ERC2: variants seen among roughly 807,000 people sequenced by gnomAD.
ERC2 encodes the protein ERC protein 2.
In ERC2, 42 loss-of-function variants were observed where a neutral mutation model predicts 114.8. That is an observed-to-expected ratio of 0.37 (90% CI 0.29 to 0.47). ERC2 has a LOEUF of 0.47. Ranked by LOEUF, ERC2 falls within the 20% of genes least tolerant of loss-of-function variation. ERC2 has a pLI of 0.99. For synonymous variants in ERC2, 454 were observed against 425.5 expected, an observed-to-expected ratio of 1.07 and a Z score of -0.82; for missense variants, 939 against 1,150.7, an observed-to-expected ratio of 0.82 and a Z score of 2.66.
chr3:56,341,108 G>C (rs1022733787), intron 2 of ERC2, among the ~76,000 whole-genome samples: 1 of 152,082 alleles, frequency 6.6e-6, no homozygotes, highest in African/African-American at 2.4e-5. Context: ...AGAACTGACT[G>C]TTATTTAAAA....
intron 3 of ERC2, among the ~76,000 whole-genome samples, chr3:56,189,014 C>A (rs1263412408): frequency 6.6e-6 from 1 of 152,176 alleles, no homozygotes; most frequent in Non-Finnish European, 1.5e-5. Flanking sequence ...TTAACCCACA[C>A]CCCAAACTTA....
chr3:56,023,726 G>T lies in ERC2; in HGVS notation c.1642-4695C>A, dbSNP rs2073866620. On this transcript the variant is annotated intron_variant, in intron 7 of 17. Coordinates refer to ENST00000288221, the MANE Select transcript of ERC2 (RefSeq NM_015576.3). ...GTATCTCCAGCTGCAGCACCCAATT[G>T]TTGGCAACACCCCACATATTAGCTT... is the stretch of plus-strand genomic sequence containing the variant. Among the ~76,000 whole-genome samples, 12 of 139,050 alleles carry T rather than the reference G, an allele frequency of 8.6e-5. No homozygotes were observed. In the South Asian group the frequency reaches 2.3e-3, roughly 27 times the overall value. The allele number at this position is 139,050 out of a possible 152,430, so 91.2% of individuals were successfully genotyped here. A position where few individuals can be genotyped will look rare whatever the true frequency, so the allele number is the denominator to read the frequency against.
chr3:55,914,165 G>C (rs1266053240), intron 13 of ERC2, among the ~76,000 whole-genome samples: 1 of 152,058 alleles, frequency 6.6e-6, no homozygotes, highest in Non-Finnish European at 1.5e-5. Context: ...TGTTAACTCT[G>C]ATGCAAAGAT....
chr3:55,751,047 T>C (rs1449106866), intron 14 of ERC2, among the ~76,000 whole-genome samples: 1 of 152,240 alleles, frequency 6.6e-6, no homozygotes, highest in Admixed American at 6.5e-5. Context: ...TTTCCTATGA[T>C]TGGTCCATGA....
At chr3:56,130,561 GAAC>G (rs1453677407) in intron 6 of ERC2, among the ~76,000 whole-genome samples, 3 of 152,160 alleles carry the variant, frequency 2.0e-5, no homozygotes, top group Non-Finnish European at 4.4e-5. Flanking sequence ...CTGAAAGCCT[GAAC>G]AACAATAACA....
At chr3:56,106,489 C>A (rs1453168122) in intron 6 of ERC2, among the ~76,000 whole-genome samples, 1 of 152,064 alleles carries the variant, frequency 6.6e-6, no homozygotes, top group Admixed American at 6.5e-5. Flanking sequence ...GGGGGAGGGG[C>A]CTTTAACTTG....
At chr3:56,420,744 A>T (rs926388534) in intron 2 of ERC2, among the ~76,000 whole-genome samples, 48 of 151,186 alleles carry the variant, frequency 3.2e-4, no homozygotes, top group Middle Eastern at 3.4e-3. Flanking sequence ...AAAAAAAAAA[A>T]TTATCTGGGT....
intron 2 of ERC2, among the ~76,000 whole-genome samples, chr3:56,418,030 T>C (rs1354026677): frequency 6.6e-6 from 1 of 152,136 alleles, no homozygotes; most frequent in Non-Finnish European, 1.5e-5. Flanking sequence ...CTCATGTCTG[T>C]AATCCCAGTC....
At chr3:55,677,476 C>A (rs73071609) in intron 17 of ERC2, among the ~76,000 whole-genome samples, 19,647 of 152,030 alleles carry the variant, frequency 0.13, 1,546 homozygotes, top group East Asian at 0.32. Context: ...CTTTCCTGAG[C>A]CCAGAAGTAA....
chr3:55,974,578 G>T (rs186107321), intron 12 of ERC2, among the ~76,000 whole-genome samples: 14 of 152,190 alleles, frequency 9.2e-5, no homozygotes, highest in Admixed American at 7.9e-4. Context: ...CTTTTCTCTT[G>T]GCTGCTTCCC....
intron 13 of ERC2, among the ~76,000 whole-genome samples, chr3:55,938,740 G>T (rs965538005): frequency 2.6e-5 from 4 of 152,060 alleles, no homozygotes; most frequent in African/African-American, 9.7e-5. Context: ...AATGACACAG[G>T]GACGCTCTGT....
intron 14 of ERC2, among the ~76,000 whole-genome samples, chr3:55,828,485 G>GGCAGCAGGC (rs1559721987): frequency 6.6e-6 from 1 of 152,060 alleles, no homozygotes; most frequent in African/African-American, 2.4e-5. Context: ...GGGCAGCAGG[G>GGCAGCAGGC]GCAGCAGGGG....
intron 15 of ERC2, among the ~76,000 whole-genome samples, chr3:55,728,755 C>T (rs1453374244): frequency 6.6e-6 from 1 of 152,214 alleles, no homozygotes; most frequent in Admixed American, 6.5e-5. Flanking sequence ...AATGGCTACT[C>T]TTGTCTACCT....
rs772339784 is a variant in ERC2, at chr3:55,515,109, G to A, written c.*40-3833C>T. Among the ~76,000 whole-genome samples the A allele has an allele frequency of 3.9e-5, 6 of 152,288 alleles. No individual in the cohort carries two copies. In the South Asian group the frequency reaches 1.2e-3, roughly 32 times the overall value. Reference sequence around the variant, plus strand: ...TTGCACCATGAAGAAAAGGAACGGGGAACTGTGATAGGGATGCCTAAGATT... The same window carrying A: ...TTGCACCATGAAGAAAAGGAACGGGAAACTGTGATAGGGATGCCTAAGATT... On this transcript the variant is annotated intron_variant, in intron 17 of 17. Coordinates refer to ENST00000288221, the MANE Select transcript of ERC2 (RefSeq NM_015576.3).
intron 17 of ERC2, among the ~76,000 whole-genome samples, chr3:55,517,390 T>A (rs1355600686): frequency 7.5e-6 from 1 of 133,588 alleles, no homozygotes; most frequent in Non-Finnish European, 1.5e-5. Context: ...GAGGTTGCAG[T>A]GAGCCAAGAT....
chr3:55,780,101 C>T (rs1039958345), intron 14 of ERC2, among the ~76,000 whole-genome samples: 1 of 152,128 alleles, frequency 6.6e-6, no homozygotes, highest in Admixed American at 6.5e-5. Context: ...CTACAGGCAA[C>T]ATTCCCATGA....
At chr3:55,542,241 G>A (rs1303817336) in intron 17 of ERC2, among the ~76,000 whole-genome samples, 3 of 152,114 alleles carry the variant, frequency 2.0e-5, no homozygotes, top group African/African-American at 4.8e-5. Context: ...CTTGTGCCAC[G>A]TTAATCCCCC....
intron 17 of ERC2, among the ~76,000 whole-genome samples, chr3:55,600,719 T>C (rs2058360736): frequency 6.6e-6 from 1 of 152,242 alleles, no homozygotes; most frequent in Non-Finnish European, 1.5e-5. Context: ...GGCAGAACAC[T>C]TGTCCCAGAG....
chr3:55,871,316 C>A (rs2062573902), intron 14 of ERC2, among the ~76,000 whole-genome samples: 1 of 152,046 alleles, frequency 6.6e-6, no homozygotes, highest in Non-Finnish European at 1.5e-5. Context: ...AATTTTTTCC[C>A]AATAAAACAG....
Sources: gnomAD v4.1 joint callset for allele counts (sites outside exome capture counted in the v4.1 genomes callset) on GRCh38, gnomAD v4.1.1 for gene constraint, MANE v1.5 for transcripts, NCBI Gene and HGNC (gene_info 2026-07-23, HGNC 2026-07-21) for gene names.